The following EPHB1 variants were observed in gnomAD, a reference collection of about 807,000 sequenced individuals.
EPHB1 encodes ephrin type-B receptor 1.
A neutral mutation model predicts 94.4 loss-of-function variants in EPHB1; 30 were observed. That is an observed-to-expected ratio of 0.32 (90% CI 0.24 to 0.43). EPHB1 has a LOEUF of 0.43. EPHB1 is among the 20% of genes least tolerant of loss of function. The probability of loss-of-function intolerance (pLI) is 1.00; values close to 1 mark genes in which losing one functional copy is unlikely to be tolerated. For missense variants in EPHB1, 1,055 were observed against 1,308.3 expected (o/e 0.81, Z 2.99); for synonymous variants, 522 against 489.1 (o/e 1.07, Z -0.89).
chr3:135,050,610 A>G (rs1203321338), intron 3 of EPHB1, among the ~76,000 whole-genome samples: 2 of 152,034 alleles, frequency 1.3e-5, no homozygotes, highest in Non-Finnish European at 2.9e-5. Flanking sequence ...GTGACTTCCA[A>G]TGTTGGAGGT....
intron 3 of EPHB1, among the ~76,000 whole-genome samples, chr3:135,058,170 T>C (rs1263966526): frequency 6.6e-6 from 1 of 152,234 alleles, no homozygotes; most frequent in Non-Finnish European, 1.5e-5. Flanking sequence ...ACTGGAGCCA[T>C]GAGCTTCTGG....
intron 7 of EPHB1, among the ~76,000 whole-genome samples, chr3:135,162,676 T>C (rs1392918): frequency 0.31 from 46,735 of 152,100 alleles, 7,556 homozygotes; most frequent in East Asian, 0.56. Flanking sequence ...ACCCCCAGTA[T>C]GTCCTGCTCG....
chr3:134,823,430 A>T (rs2036419087), intron 1 of EPHB1, among the ~76,000 whole-genome samples: 1 of 152,180 alleles, frequency 6.6e-6, no homozygotes, highest in Non-Finnish European at 1.5e-5. Context: ...AAAAGCTCAC[A>T]CAAACTCTTA....
intron 3 of EPHB1, among the ~76,000 whole-genome samples, chr3:135,099,460 G>A (rs1055165554): frequency 6.6e-6 from 1 of 152,184 alleles, no homozygotes; most frequent in Non-Finnish European, 1.5e-5. Context: ...GCTCCCATAA[G>A]GCTTTGAGTC....
intron 13 of EPHB1, among the ~76,000 whole-genome samples, chr3:135,245,513 CAAAAAAAA>C (rs57521935): frequency 1.8e-3 from 223 of 123,990 alleles, no homozygotes; most frequent in Middle Eastern, 4.3e-3. Flanking sequence ...GAACAGTCTT[CAAAAAAAA>C]AAAAAAAAAA....
intron 3 of EPHB1, among the ~76,000 whole-genome samples, chr3:135,068,850 G>A (rs1183357455): frequency 4.0e-5 from 6 of 151,016 alleles, no homozygotes; most frequent in South Asian, 2.1e-4. Flanking sequence ...GGGTTTCACC[G>A]CGTTAGCCAG....
In EPHB1 at chr3:134,982,924, C is replaced by T. The variant is rs570081377; in HGVS notation, c.805+30872C>T. Among the ~76,000 whole-genome samples, 3 of 152,328 alleles carry T rather than the reference C, an allele frequency of 2.0e-5. No homozygotes were observed. In the South Asian group the frequency reaches 6.2e-4, roughly 32 times the overall value. On this transcript the variant is annotated intron_variant, in intron 3 of 15. Transcript: ENST00000398015. ...CAACAGTCAGTGAGGCCTGAAAGCA[C>T]TGGCTTTTTCTGCAGCCTGACCCTG...
In EPHB1 at chr3:135,260,052, A is replaced by G. The variant is rs1347436019; in HGVS notation, c.*932A>G. ...GGAGAAAAATAAAATGAAAGGAAAA[A>G]AAAAAGTTTGCAAATTCAGACAGGA... On this transcript the variant is annotated 3_prime_UTR_variant, in exon 16 of 16. Coordinates refer to ENST00000398015, the MANE Select transcript of EPHB1 (RefSeq NM_004441.5). The G allele has an allele frequency of 8.6e-6, 2 of 233,102 alleles. No individual in the cohort carries two copies. Among genetic ancestry groups the G allele is most frequent in the Non-Finnish European group, 1.7e-5 (2 of 117,766 alleles). The allele number at this position is 233,102 out of a possible 1,614,324, so 14.4% of individuals were successfully genotyped here.
chr3:135,053,332 C>A (rs540652121), intron 3 of EPHB1, among the ~76,000 whole-genome samples: 114 of 151,848 alleles, frequency 7.5e-4, no homozygotes, highest in African/African-American at 2.7e-3. Flanking sequence ...ATATATTATT[C>A]TTTTTAAAAA....
intron 1 of EPHB1, among the ~76,000 whole-genome samples, chr3:134,921,497 T>A (rs937817565): frequency 6.6e-6 from 1 of 152,228 alleles, no homozygotes; most frequent in Non-Finnish European, 1.5e-5. Flanking sequence ...TGACTTTGCT[T>A]CTTGTCCTTT....
chr3:134,994,764 T>C (rs1934933777), intron 3 of EPHB1, among the ~76,000 whole-genome samples: 1 of 152,214 alleles, frequency 6.6e-6, no homozygotes, highest in South Asian at 2.1e-4. Flanking sequence ...TACATTTTCA[T>C]TGCATATTTT....
intron 5 of EPHB1, among the ~76,000 whole-genome samples, chr3:135,149,217 A>T (rs1941113696): frequency 6.6e-6 from 1 of 152,188 alleles, no homozygotes; most frequent in Non-Finnish European, 1.5e-5. Flanking sequence ...TTCTTTGCTA[A>T]ATTTGAATAA....
chr3:134,824,208 G>A (rs1019545117), intron 1 of EPHB1, among the ~76,000 whole-genome samples: 2 of 145,940 alleles, frequency 1.4e-5, no homozygotes, highest in Admixed American at 7.1e-5. Context: ...CCAGCATGGT[G>A]AGGCTGTTAA....
At chr3:134,941,144 G>T (rs182766395) in intron 2 of EPHB1, among the ~76,000 whole-genome samples, 2 of 152,228 alleles carry the variant, frequency 1.3e-5, no homozygotes. Context: ...GCCTGGTGTG[G>T]GGTGGGGGAC....
At chr3:134,974,857 G>A (rs1240570414) in intron 3 of EPHB1, among the ~76,000 whole-genome samples, 2 of 107,018 alleles carry the variant, frequency 1.9e-5, no homozygotes, top group Non-Finnish European at 3.7e-5. Context: ...TTCCAGCACG[G>A]GAGGGGCTCT....
At chr3:134,882,767 T>TTTCTTTCTTTTTTCTTTCTTTCC (rs2037771375) in intron 1 of EPHB1, among the ~76,000 whole-genome samples, 1 of 39,820 alleles carries the variant, frequency 2.5e-5, no homozygotes, top group Admixed American at 2.9e-4. Flanking sequence ...CCTTCCTTCC[T>TTTCTTTCTTTTTTCTTTCTTTCC]TTCTTTCTTT....
At chr3:135,144,288 C>G (rs1940934944) in intron 5 of EPHB1, among the ~76,000 whole-genome samples, 1 of 152,184 alleles carries the variant, frequency 6.6e-6, no homozygotes, top group Non-Finnish European at 1.5e-5. Flanking sequence ...ACTGAATGGC[C>G]TCAGATGCCC....
intron 1 of EPHB1, among the ~76,000 whole-genome samples, chr3:134,817,841 T>C (rs777870887): frequency 1.3e-5 from 2 of 152,190 alleles, no homozygotes; most frequent in Non-Finnish European, 2.9e-5. Flanking sequence ...TGGTCATCCA[T>C]AGAGGGAAAT....
intron 2 of EPHB1, among the ~76,000 whole-genome samples, chr3:134,933,798 A>C (rs1268747445): frequency 2.6e-5 from 4 of 152,162 alleles, no homozygotes; most frequent in African/African-American, 9.7e-5. Context: ...ATCTTCAGAG[A>C]GTGGGTTCCA....
Sources: allele counts gnomAD v4.1 joint callset (sites outside exome capture counted in the v4.1 genomes callset), GRCh38; gene constraint gnomAD v4.1.1; transcripts MANE v1.5; gene names NCBI Gene and HGNC (gene_info 2026-07-23, HGNC 2026-07-21).